Variants in NSMCE2 observed in about 807,000 individuals in gnomAD.
NSMCE2 encodes the protein NSE2 SUMO ligase component of SMC5/6 complex, also known as E3 SUMO-protein ligase NSE2.
Under a neutral mutation model 23.8 loss-of-function variants are expected in NSMCE2, and 24 were observed. That is an observed-to-expected ratio of 1.01 (90% CI 0.73 to 1.42). The LOEUF (loss-of-function observed/expected upper bound fraction) is 1.42, where lower values mean the gene tolerates loss of function less well. NSMCE2 is among the 40% of genes most tolerant of loss of function. NSMCE2 has a pLI of 0.00. For synonymous variants in NSMCE2, 92 were observed against 94.1 expected (o/e 0.98, Z 0.13); for missense variants, 284 against 296.5 (o/e 0.96, Z 0.31).
intron 1 of NSMCE2, among the ~76,000 whole-genome samples, chr8:125,098,746 G>C (rs1818050480): frequency 6.6e-6 from 1 of 151,828 alleles, no homozygotes; most frequent in African/African-American, 2.4e-5. Context: ...TGGAAGGATG[G>C]AGTTGCTATT....
chr8:125,325,953 A>AAAAT (rs1042261885), intron 5 of NSMCE2, among the ~76,000 whole-genome samples: 1 of 151,914 alleles, frequency 6.6e-6, no homozygotes, highest in Non-Finnish European at 1.5e-5. Flanking sequence ...ACTCCGTCTC[A>AAAAT]AAATAAATAA....
intron 1 of NSMCE2, among the ~76,000 whole-genome samples, chr8:125,100,824 G>A (rs539960225): frequency 8.3e-4 from 127 of 152,300 alleles, no homozygotes; most frequent in African/African-American, 3.0e-3. Flanking sequence ...GCCTCCCAAA[G>A]TGCTGGGATT....
chr8:125,234,930 C>G (rs1358082936), intron 5 of NSMCE2, among the ~76,000 whole-genome samples: 5 of 152,094 alleles, frequency 3.3e-5, no homozygotes, highest in Admixed American at 6.6e-5. Flanking sequence ...CCTACAGAGC[C>G]CATTTCAAGT....
rs752738212 is a variant in NSMCE2, at chr8:125,151,177, T to C, written c.164T>C (p.Val55Ala). Residue 55 changes from valine to alanine, a missense_variant, in exon 4 of 8, where the codon GTG becomes GCG. By Grantham distance (64) the Val-to-Ala change is moderately conservative. Coordinates refer to ENST00000287437, the MANE Select transcript of NSMCE2 (RefSeq NM_173685.4). ...CAATTTTTTTTTCTTTCAGCTGAAG[T>C]GAGTAGTGAATATAGTATGGACAAG... ...ALDLVESQTE[V>A]SSEYSMDKAM... The C allele has an allele frequency of 1.3e-6, 2 of 1,569,892 alleles. No individual in the cohort carries two copies. The highest frequency in any genetic ancestry group is 2.2e-5 in the East Asian group (1 of 44,494).
intron 3 of NSMCE2, among the ~76,000 whole-genome samples, chr8:125,111,787 G>A (rs1012000285): frequency 6.6e-6 from 1 of 152,146 alleles, no homozygotes; most frequent in Non-Finnish European, 1.5e-5. Flanking sequence ...GCAGTAGAGT[G>A]AGACCGTGTC....
chr8:125,360,350 G>C (rs1275660065), intron 7 of NSMCE2, among the ~76,000 whole-genome samples: 1 of 152,154 alleles, frequency 6.6e-6, no homozygotes, highest in Non-Finnish European at 1.5e-5. Flanking sequence ...CTCAACTACC[G>C]TCACAGATGC....
At chr8:125,291,227 G>T (rs747785735) in intron 5 of NSMCE2, among the ~76,000 whole-genome samples, 2 of 152,182 alleles carry the variant, frequency 1.3e-5, no homozygotes, top group Non-Finnish European at 2.9e-5. Context: ...CATCCGAAGA[G>T]ACTGGAGGTG....
At position 125,322,193 on chromosome 8, in the gene NSMCE2, C is replaced by T. The variant is rs551986464; in HGVS notation, c.419-35026C>T. On this transcript the variant is annotated intron_variant, in intron 5 of 7. Transcript: ENST00000287437. Reference sequence around the variant, plus strand: ...ACCAACCTGGGCAACATAGCAAGACCGTGTCTCTACAAAGAAATTTTAAAA... The same window carrying T: ...ACCAACCTGGGCAACATAGCAAGACTGTGTCTCTACAAAGAAATTTTAAAA... Among the ~76,000 whole-genome samples, 12 of 152,164 alleles carry T rather than the reference C, an allele frequency of 7.9e-5. No individual in the cohort carries two copies. In the East Asian group the frequency reaches 9.7e-4, roughly 12 times the overall value.
intron 4 of NSMCE2, among the ~76,000 whole-genome samples, chr8:125,172,908 A>G (rs566390863): frequency 1.3e-5 from 2 of 152,228 alleles, no homozygotes; most frequent in South Asian, 2.1e-4. Context: ...TTATCTGACA[A>G]CACTTTAGAC....
intron 4 of NSMCE2, among the ~76,000 whole-genome samples, chr8:125,160,838 T>C (rs1019222199): frequency 1.1e-4 from 16 of 152,346 alleles, no homozygotes; most frequent in African/African-American, 3.8e-4. Context: ...AATCATGCTG[T>C]TTATTAAACT....
chr8:125,278,360 C>T (rs6651233), intron 5 of NSMCE2, among the ~76,000 whole-genome samples: 32,920 of 152,110 alleles, frequency 0.22, 4,165 homozygotes, highest in African/African-American at 0.35. Context: ...TTGCTTGCCA[C>T]GCTGTCTGGT....
At chr8:125,161,086 A>C (rs1329163285) in intron 4 of NSMCE2, among the ~76,000 whole-genome samples, 1 of 152,130 alleles carries the variant, frequency 6.6e-6, no homozygotes. Context: ...TGAGTTTGCA[A>C]CTGTGCTGGT....
At chr8:125,152,469 G>A (rs1563682811) in intron 4 of NSMCE2, among the ~76,000 whole-genome samples, 2 of 152,200 alleles carry the variant, frequency 1.3e-5, no homozygotes, top group East Asian at 3.9e-4. Context: ...GCATTCAAGG[G>A]TGAAAACCAC....
At chr8:125,190,025 T>A (rs1223618148) in intron 5 of NSMCE2, among the ~76,000 whole-genome samples, 5 of 152,186 alleles carry the variant, frequency 3.3e-5, no homozygotes, top group Non-Finnish European at 7.3e-5. Flanking sequence ...TGCCATTAAC[T>A]TGCTGAATAA....
chr8:125,151,948 G>A (rs935666006), intron 4 of NSMCE2, among the ~76,000 whole-genome samples: 3 of 152,168 alleles, frequency 2.0e-5, no homozygotes, highest in Admixed American at 2.0e-4. Flanking sequence ...TTGTATACCT[G>A]TGTAATAGGA....
chr8:125,199,936 T>C (rs1261699869), intron 5 of NSMCE2, among the ~76,000 whole-genome samples: 1 of 152,228 alleles, frequency 6.6e-6, no homozygotes, highest in Admixed American at 6.5e-5. Context: ...TGTAATGGCC[T>C]TCTTTGTCTC....
intron 5 of NSMCE2, among the ~76,000 whole-genome samples, chr8:125,335,062 C>T (rs527472338): frequency 1.7e-4 from 26 of 152,110 alleles, no homozygotes; most frequent in Non-Finnish European, 2.6e-4. Flanking sequence ...GACCAGATTG[C>T]GAAGTATCTT....
intron 5 of NSMCE2, among the ~76,000 whole-genome samples, chr8:125,333,505 CTTTTTTTT>C (rs71295847): frequency 0.015 from 686 of 45,636 alleles, 10 homozygotes; most frequent in African/African-American, 0.06. Flanking sequence ...CCTGGTGGTT[CTTTTTTTT>C]TTTTTTTTTT....
At chr8:125,283,011 A>C (rs1350080986) in intron 5 of NSMCE2, among the ~76,000 whole-genome samples, 3 of 152,204 alleles carry the variant, frequency 2.0e-5, no homozygotes, top group Admixed American at 6.5e-5. Context: ...TTAGAATCTT[A>C]ATTGTGCTTC....
Sources: allele counts gnomAD v4.1 joint callset (sites outside exome capture counted in the v4.1 genomes callset), GRCh38; gene constraint gnomAD v4.1.1; transcripts MANE v1.5; gene names NCBI Gene and HGNC (gene_info 2026-07-23, HGNC 2026-07-21).